The following PDGFC variants were observed in gnomAD, a reference collection of about 807,000 sequenced individuals.
The protein encoded by PDGFC is platelet-derived growth factor C.
Under a neutral mutation model 35.5 loss-of-function variants are expected in PDGFC, and 12 were observed. The observed-to-expected ratio is 0.34, with a 90% CI of 0.22 to 0.55. The LOEUF (loss-of-function observed/expected upper bound fraction) is 0.55. PDGFC is among the 20% of genes least tolerant of loss of function. The pLI is 0.91. For missense variants in PDGFC, 322 were observed against 412.4 expected, an observed-to-expected ratio of 0.78 and a Z score of 1.90; for synonymous variants, 159 against 148.8, an observed-to-expected ratio of 1.07 and a Z score of -0.50.
intron 1 of PDGFC, among the ~76,000 whole-genome samples, chr4:156,884,666 A>G (rs549546159): frequency 4.6e-5 from 7 of 152,232 alleles, no homozygotes; most frequent in Non-Finnish European, 1.5e-5. Context: ...TTTTACTGGT[A>G]TTTGTATACT....
intron 1 of PDGFC, among the ~76,000 whole-genome samples, chr4:156,935,019 T>C (rs1413677448): frequency 2.6e-5 from 4 of 152,178 alleles, no homozygotes; most frequent in South Asian, 4.1e-4. Flanking sequence ...GTTTTTCAGA[T>C]GGAGTCTCGC....
intron 1 of PDGFC, among the ~76,000 whole-genome samples, chr4:156,961,382 C>T (rs1157821647): frequency 1.8e-4 from 27 of 152,056 alleles, no homozygotes; most frequent in Admixed American, 1.8e-3. Context: ...ACTCAAAGGG[C>T]AGGTGCAACG....
chr4:156,900,101 ATCC>A (rs1430681670), intron 1 of PDGFC, among the ~76,000 whole-genome samples: 3 of 152,190 alleles, frequency 2.0e-5, no homozygotes, highest in Non-Finnish European at 4.4e-5. Flanking sequence ...TTAAAGTCTC[ATCC>A]TCCTCATCTA....
intron 1 of PDGFC, among the ~76,000 whole-genome samples, chr4:156,936,495 T>C (rs1731686576): frequency 6.6e-6 from 1 of 152,206 alleles, no homozygotes; most frequent in African/African-American, 2.4e-5. Flanking sequence ...ACCCTTTCTC[T>C]GGAACCTACC....
At chr4:156,801,600 C>A (rs1221710119) in intron 3 of PDGFC, among the ~76,000 whole-genome samples, 1 of 152,154 alleles carries the variant, frequency 6.6e-6, no homozygotes, top group African/African-American at 2.4e-5. Context: ...GAGCATGGCA[C>A]TTGGCACATA....
intron 1 of PDGFC, among the ~76,000 whole-genome samples, chr4:156,897,342 G>A (rs1032400707): frequency 4.8e-5 from 6 of 124,654 alleles, no homozygotes; most frequent in Non-Finnish European, 8.4e-5. Context: ...GAGAGTGTGT[G>A]AGAGTGTATG....
At chr4:156,893,332 A>T (rs898803462) in intron 1 of PDGFC, among the ~76,000 whole-genome samples, 1 of 117,152 alleles carries the variant, frequency 8.5e-6, no homozygotes, top group Non-Finnish European at 2.0e-5. Flanking sequence ...AAATGCTCTA[A>T]CTAGATTTTT....
At chr4:156,954,968 A>T (rs1732172237) in intron 1 of PDGFC, among the ~76,000 whole-genome samples, 1 of 152,032 alleles carries the variant, frequency 6.6e-6, no homozygotes, top group Non-Finnish European at 1.5e-5. Flanking sequence ...TCAACATTTT[A>T]TTCTCTGACA....
At chr4:156,785,510 G>A (rs1317192653) in intron 3 of PDGFC, among the ~76,000 whole-genome samples, 2 of 152,046 alleles carry the variant, frequency 1.3e-5, no homozygotes, top group African/African-American at 2.4e-5. Context: ...CACTGTGCCC[G>A]GCCCTAAGTT....
At chr4:156,960,002 C>T (rs1400581410) in intron 1 of PDGFC, among the ~76,000 whole-genome samples, 5 of 151,676 alleles carry the variant, frequency 3.3e-5, no homozygotes, top group African/African-American at 7.3e-5. Context: ...ATTTTTTCTT[C>T]GTTATCATGG....
chr4:156,946,007 CA>C (rs946730683), intron 1 of PDGFC, among the ~76,000 whole-genome samples: 2 of 152,032 alleles, frequency 1.3e-5, no homozygotes, highest in African/African-American at 4.8e-5. Flanking sequence ...ATCATGCCAA[CA>C]AGAGGCTTTA....
intron 1 of PDGFC, among the ~76,000 whole-genome samples, chr4:156,966,159 T>C (rs1732461466): frequency 6.6e-6 from 1 of 152,190 alleles, no homozygotes; most frequent in Non-Finnish European, 1.5e-5. Context: ...ATGGGAGATT[T>C]GAAAAATAAA....
At chr4:156,807,429 A>G (rs1304826408) in intron 3 of PDGFC, among the ~76,000 whole-genome samples, 1 of 151,980 alleles carries the variant, frequency 6.6e-6, no homozygotes, top group Non-Finnish European at 1.5e-5. Context: ...ATTGTAAAGG[A>G]AAGTACTGAT....
chr4:156,905,421 T>C (rs938328907), intron 1 of PDGFC, among the ~76,000 whole-genome samples: 1 of 152,122 alleles, frequency 6.6e-6, no homozygotes. Flanking sequence ...TGTTTATTTT[T>C]TTCTCAAAGA....
intron 1 of PDGFC, among the ~76,000 whole-genome samples, chr4:156,964,588 C>A (rs1732422386): frequency 6.6e-6 from 1 of 151,830 alleles, no homozygotes; most frequent in Non-Finnish European, 1.5e-5. Context: ...ACCTCATCTC[C>A]CAATCTGAAA....
rs78387682 is a variant in PDGFC at position 156,956,959 on chromosome 4, A to G, written c.118+13827T>C. 6.7e-3 allele frequency among the ~76,000 whole-genome samples: 1,016 copies of G among 152,152 alleles called. 3 individuals are homozygous for G. The highest frequency in any genetic ancestry group is 0.012 in the Non-Finnish European group (824 of 67,966). The stretch of plus-strand genomic sequence containing the variant: ...TAGGTACCAGGACATCAAAGTGGCA[A>G]TAAGACAGATTTTCAAGAAAAATGG... On this transcript the variant is annotated intron_variant, in intron 1 of 5. Coordinates refer to ENST00000502773, the MANE Select transcript of PDGFC (RefSeq NM_016205.3).
At chr4:156,887,631 G>A (rs1374770444) in intron 1 of PDGFC, among the ~76,000 whole-genome samples, 2 of 152,012 alleles carry the variant, frequency 1.3e-5, no homozygotes, top group Admixed American at 6.5e-5. Flanking sequence ...AAACTAGTAG[G>A]AAAAAATAGA....
chr4:156,764,877 T>C (rs747061399), intron 5 of PDGFC, among the ~76,000 whole-genome samples: 44 of 152,186 alleles, frequency 2.9e-4, no homozygotes, highest in Non-Finnish European at 5.1e-4. Context: ...AATTGCAATA[T>C]TGGCATAGAC....
At chr4:156,946,112 C>T (rs185504240) in intron 1 of PDGFC, among the ~76,000 whole-genome samples, 31 of 152,002 alleles carry the variant, frequency 2.0e-4, no homozygotes, top group Admixed American at 3.3e-4. Context: ...TAAAAACAGC[C>T]TATGGAATAT....
Sources: gnomAD v4.1 joint callset for allele counts (sites outside exome capture counted in the v4.1 genomes callset) on GRCh38, gnomAD v4.1.1 for gene constraint, MANE v1.5 for transcripts, NCBI Gene and HGNC (gene_info 2026-07-23, HGNC 2026-07-21) for gene names.